Variants in TADA2A observed in about 807,000 individuals in gnomAD.
TADA2A encodes transcriptional adaptor 2A.
Under a neutral mutation model 67.4 loss-of-function variants are expected in TADA2A, and 38 were observed. The ratio of observed to expected loss-of-function variants is 0.56; its 90% confidence interval spans 0.44 to 0.74. The LOEUF is 0.74. Ranked by LOEUF, TADA2A falls within the 30% of genes least tolerant of loss-of-function variation. The probability of loss-of-function intolerance (pLI) is 0.00; values close to 1 mark genes in which losing one functional copy is unlikely to be tolerated. For synonymous variants in TADA2A, 192 were observed against 181.6 expected (o/e 1.06, Z -0.46); for missense variants, 454 against 547.0 (o/e 0.83, Z 1.70).
intron 4 of TADA2A, among the ~76,000 whole-genome samples, chr17:37,429,609 T>C (rs2052513095): frequency 6.6e-6 from 1 of 152,160 alleles, no homozygotes; most frequent in African/African-American, 2.4e-5. Context: ...TTGGGCCTCC[T>C]ACAGCACTGC....
At chr17:37,458,653 G>A (rs1337137769) in intron 9 of TADA2A, 66 bp downstream of exon 9, 4 of 1,165,420 alleles carry the variant, frequency 3.4e-6, no homozygotes, top group African/African-American at 3.1e-5. Flanking sequence ...GTGTGTGTGT[G>A]TGTGTGTGTG....
At chr17:37,476,010 G>C (rs944509139) in intron 15 of TADA2A, among the ~76,000 whole-genome samples, 1 of 152,088 alleles carries the variant, frequency 6.6e-6, no homozygotes, top group South Asian at 2.1e-4. Context: ...CATTAGTTCA[G>C]TTCAGATAAT....
In TADA2A at chr17:37,448,150, A is replaced by G. The variant is rs74752373; in HGVS notation, c.604+3382A>G. Among the ~76,000 whole-genome samples, 255 of 152,328 alleles carry G rather than the reference A, an allele frequency of 1.7e-3. 1 individual carries two copies. The highest frequency in any genetic ancestry group is 5.9e-3 in the African/African-American group (246 of 41,584). The stretch of plus-strand genomic sequence containing the variant: ...TTTTTATGGTTCCTCATTTAGAACT[A>G]CTGGAAGGTTGCAGACTGTTTGGCT... On this transcript the variant is annotated intron_variant, in intron 8 of 15. Transcript: ENST00000615182.
At chr17:37,471,335 C>T (rs1433659983) in intron 14 of TADA2A, among the ~76,000 whole-genome samples, 198 bp downstream of exon 14, 1 of 152,008 alleles carries the variant, frequency 6.6e-6, no homozygotes, top group African/African-American at 2.4e-5. Context: ...CTCAGAGTGA[C>T]AGTATAGAGT....
chr17:37,457,890 A>G (rs1002683521), intron 8 of TADA2A, among the ~76,000 whole-genome samples: 2 of 152,166 alleles, frequency 1.3e-5, no homozygotes, highest in Non-Finnish European at 2.9e-5. Context: ...TTACATAACA[A>G]TGTCCAAAAA....
intron 14 of TADA2A, among the ~76,000 whole-genome samples, 187 bp from the exon 15 acceptor site, chr17:37,474,369 T>A (rs112877626): frequency 1.3e-5 from 2 of 152,230 alleles, no homozygotes; most frequent in African/African-American, 4.8e-5. Context: ...GTAATTCATT[T>A]TCAAGTGAAT....
Position 37,478,588 on chromosome 17 carries a change from G to T in TADA2A, c.*1606G>T, listed in dbSNP as rs1441709388. On this transcript the variant is annotated 3_prime_UTR_variant, in exon 16 of 16. Transcript: ENST00000615182. ...GTAGCCCCACCACATGTAAAACTTG[G>T]TCCTCAAACGTTTCTGCAGAATAAG... 6.6e-6 allele frequency: 1 copy of T among 152,136 alleles called. No individual in the cohort carries two copies. Among genetic ancestry groups the T allele is most frequent in the Non-Finnish European group, 1.5e-5 (1 of 68,028 alleles). 9.4% of individuals were successfully genotyped at this position (152,136 alleles called of 1,614,324 possible).
At chr17:37,418,820 C>T (rs1405134840) in intron 2 of TADA2A, among the ~76,000 whole-genome samples, 4 of 151,874 alleles carry the variant, frequency 2.6e-5, no homozygotes, top group Non-Finnish European at 5.9e-5. Context: ...AACCCCTAAC[C>T]TCTAGTGAGC....
intron 8 of TADA2A, among the ~76,000 whole-genome samples, chr17:37,453,576 A>G (rs2053289820): frequency 6.6e-6 from 1 of 152,128 alleles, no homozygotes; most frequent in Non-Finnish European, 1.5e-5. Flanking sequence ...CATACAGTTT[A>G]AAACTTACTG....
In TADA2A at chr17:37,479,293, G is replaced by C. The variant is rs2053945328; in HGVS notation, c.*2311G>C. ...AACACAAGGGGCAGCTGGGTAGTTA[G>C]GAGTGGGAGGATGGTAGGACAGTCT... On this transcript the variant is annotated 3_prime_UTR_variant, in exon 16 of 16. Transcript: ENST00000615182. 6.6e-6 allele frequency: 1 copy of C among 152,320 alleles called. No individual in the cohort carries two copies. The highest frequency in any genetic ancestry group is 1.5e-5 in the Non-Finnish European group (1 of 68,052). The allele number at this position is 152,320 out of a possible 1,614,324, so 9.4% of individuals were successfully genotyped here.
rs536005468 is a variant in TADA2A at position 37,409,596 on chromosome 17, G to A, written c.-97-1673G>A. Among the ~76,000 whole-genome samples, 47 of 151,416 alleles carry A rather than the reference G, an allele frequency of 3.1e-4. 1 individual carries two copies. In the South Asian group the frequency reaches 4.4e-3, roughly 14 times the overall value. On this transcript the variant is annotated intron_variant, in intron 1 of 15. Coordinates refer to ENST00000615182, the MANE Select transcript of TADA2A (RefSeq NM_001166105.3). ...AGCCTGGCCAACATGGTGAAACCCC[G>A]TCTCTACTAAAAATACAAAAATTAG...
intron 11 of TADA2A, 119 bp downstream of exon 11, chr17:37,465,660 T>G: frequency 6.6e-7 from 1 of 1,519,324 alleles, no homozygotes; most frequent in Non-Finnish European, 8.9e-7. Flanking sequence ...TCTCTCTTTG[T>G]TCCCCTTTAT....
intron 8 of TADA2A, among the ~76,000 whole-genome samples, chr17:37,450,220 T>G (rs192375931): frequency 6.6e-6 from 1 of 152,212 alleles, no homozygotes; most frequent in Non-Finnish European, 1.5e-5. Context: ...TTGCTTACTT[T>G]AGCCATTAGA....
In TADA2A at chr17:37,470,474, C is replaced by T; in HGVS notation, c.970C>T (p.Leu324Phe). The T allele has an allele frequency of 6.2e-7, 1 of 1,612,176 alleles. No individual in the cohort carries two copies. The highest frequency in any genetic ancestry group is 8.5e-7 in the Non-Finnish European group (1 of 1,179,390). Residue 324 changes from leucine (L) to phenylalanine (F), a missense_variant, in exon 13 of 16, where the codon CTC becomes TTC. Leu to Phe is a conservative substitution (Grantham distance 22, BLOSUM62 0). Coordinates refer to ENST00000615182, the MANE Select transcript of TADA2A (RefSeq NM_001166105.3). ...TAAACGCACTATGCTCTCAGAAGTT[C>T]TCCAGTATATCCAGGACAGTAGTGC... is the stretch of plus-strand genomic sequence containing the variant. ...RLKRTMLSEV[L>F]QYIQDSSACQ...
At chr17:37,457,587 C>G (rs1472647981) in intron 8 of TADA2A, among the ~76,000 whole-genome samples, 2 of 146,926 alleles carry the variant, frequency 1.4e-5, no homozygotes, top group Admixed American at 7.1e-5. Flanking sequence ...AACCTCACCT[C>G]CTGGCTTTGA....
intron 8 of TADA2A, among the ~76,000 whole-genome samples, 198 bp from the exon 9 acceptor site, chr17:37,458,326 G>A (rs1019905915): frequency 2.6e-5 from 4 of 152,036 alleles, no homozygotes; most frequent in Admixed American, 6.6e-5. Context: ...TATAAATAGC[G>A]GAAAAATAAC....
At chr17:37,438,378 T>C (rs17622603) in intron 5 of TADA2A, among the ~76,000 whole-genome samples, 8,207 of 152,286 alleles carry the variant, frequency 0.054, 287 homozygotes, top group Middle Eastern at 0.14. Flanking sequence ...GTTTTTATCT[T>C]TTGGGAACAC....
Position 37,477,019 on chromosome 17 carries a change from G to A in TADA2A, c.*37G>A. On this transcript the variant is annotated 3_prime_UTR_variant, in exon 16 of 16. Transcript: ENST00000615182. ...CTTGGGATCAGAAGTCAGAAGTTTG[G>A]AATGTGGTGGGTCAAAGGACAATAT... 1 of 1,576,424 alleles carries A rather than the reference G, an allele frequency of 6.3e-7. No individual in the cohort carries two copies. The highest frequency in any genetic ancestry group is 1.4e-5 in the African/African-American group (1 of 73,960).
At chr17:37,414,862 G>T (rs2051991744) in intron 2 of TADA2A, among the ~76,000 whole-genome samples, 1 of 149,538 alleles carries the variant, frequency 6.7e-6, no homozygotes, top group Non-Finnish European at 1.5e-5. Flanking sequence ...AAAGAGGACT[G>T]TTTTTTACTC....
Sources: allele counts gnomAD v4.1 joint callset (sites outside exome capture counted in the v4.1 genomes callset), GRCh38; gene constraint gnomAD v4.1.1; transcripts MANE v1.5; gene names NCBI Gene and HGNC (gene_info 2026-07-23, HGNC 2026-07-21).